The following FGD5 variants were observed in gnomAD, a reference collection of about 807,000 sequenced individuals.
The protein encoded by FGD5 is FYVE, RhoGEF and PH domain containing 5.
Under a neutral mutation model 133.4 loss-of-function variants are expected in FGD5, and 28 were observed. That is an observed-to-expected ratio of 0.21 (90% CI 0.16 to 0.29). The LOEUF (loss-of-function observed/expected upper bound fraction) is 0.29. Among genes scored for constraint, FGD5 ranks in the 10% least tolerant of loss-of-function variants. The pLI is 1.00. For synonymous variants in FGD5, 810 were observed against 776.5 expected (o/e 1.04, Z -0.72); for missense variants, 1,858 against 1,895.2 (o/e 0.98, Z 0.36).
chr3:14,833,715 C>T (rs1041944364), intron 1 of FGD5, among the ~76,000 whole-genome samples: 4 of 152,214 alleles, frequency 2.6e-5, no homozygotes, highest in African/African-American at 9.6e-5. Context: ...GAGGAAGATC[C>T]AGTACCAGCT....
intron 1 of FGD5, among the ~76,000 whole-genome samples, chr3:14,826,233 T>TTC (rs1294924621): frequency 2.0e-5 from 3 of 151,926 alleles, no homozygotes; most frequent in Non-Finnish European, 4.4e-5. Flanking sequence ...TGCACTGGCT[T>TTC]TCTCTCTCTC....
intron 1 of FGD5, among the ~76,000 whole-genome samples, chr3:14,855,211 T>C (rs982051466): frequency 1.3e-5 from 2 of 152,250 alleles, no homozygotes; most frequent in African/African-American, 2.4e-5. Context: ...TTTTTATGGC[T>C]GAATAGTGTT....
At chr3:14,838,280 A>G (rs533734493) in intron 1 of FGD5, among the ~76,000 whole-genome samples, 1 of 152,310 alleles carries the variant, frequency 6.6e-6, no homozygotes, top group South Asian at 2.1e-4. Context: ...ATCTGACTCC[A>G]GGCAAGTTCT....
intron 4 of FGD5, among the ~76,000 whole-genome samples, chr3:14,892,812 T>G: frequency 9.4e-6 from 1 of 106,634 alleles, no homozygotes; most frequent in Non-Finnish European, 2.0e-5. Flanking sequence ...AGAGCAAAAA[T>G]CCATCTCAAA....
upstream of FGD5, among the ~76,000 whole-genome samples, chr3:14,816,716 T>C (rs749940605): frequency 3.9e-5 from 6 of 152,220 alleles, no homozygotes; most frequent in Non-Finnish European, 7.3e-5. Context: ...TTTTCTAAAC[T>C]AGGACACACG....
chr3:14,848,624 A>G (rs2037100424), intron 1 of FGD5, among the ~76,000 whole-genome samples: 1 of 152,184 alleles, frequency 6.6e-6, no homozygotes, highest in African/African-American at 2.4e-5. Flanking sequence ...AATGGGCTCT[A>G]TGTTGATTAT....
At chr3:14,876,057 G>A (rs780705220) in intron 2 of FGD5, among the ~76,000 whole-genome samples, 19 of 152,284 alleles carry the variant, frequency 1.2e-4, no homozygotes, top group Middle Eastern at 3.4e-3. Context: ...AGGCCTGTAC[G>A]CAGAGAGGGG....
intron 1 of FGD5, among the ~76,000 whole-genome samples, chr3:14,839,326 G>A (rs1209225530): frequency 6.6e-6 from 1 of 152,158 alleles, no homozygotes; most frequent in Non-Finnish European, 1.5e-5. Flanking sequence ...AGGGTGTTTC[G>A]TAGACCACAG....
At chr3:14,907,949 G>T (rs886230168) in intron 10 of FGD5, among the ~76,000 whole-genome samples, 1 of 152,146 alleles carries the variant, frequency 6.6e-6, no homozygotes, top group Non-Finnish European at 1.5e-5. Context: ...TCAGCGCCAG[G>T]TTTTTTCTGT....
At chr3:14,930,291 C>A (rs149357992) in intron 18 of FGD5, among the ~76,000 whole-genome samples, 1 of 152,258 alleles carries the variant, frequency 6.6e-6, no homozygotes, top group East Asian at 1.9e-4. Flanking sequence ...AGTCCTCCAA[C>A]CTAGTTCTTT....
Position 14,827,279 on chromosome 3 carries a change from TTC to T in FGD5, c.2525+5685_2525+5686del, listed in dbSNP as rs1491033127. Among the ~76,000 whole-genome samples the T allele has an allele frequency of 2.0e-4, 25 of 122,108 alleles. 1 individual carries two copies. The highest frequency in any genetic ancestry group is 1.0e-3 in the African/African-American group (24 of 23,874). 80.1% of individuals were successfully genotyped at this position (122,108 alleles called of 152,430 possible). ...GTCGCAAATTGCCACATTTCTGGTA[TTC>T]TTTTTTTTTTTTTTTTTTTTTTTTT... On this transcript the variant is annotated intron_variant, in intron 1 of 19. Coordinates refer to ENST00000285046, the MANE Select transcript of FGD5 (RefSeq NM_152536.4).
intron 1 of FGD5, among the ~76,000 whole-genome samples, chr3:14,831,480 T>A (rs2036705837): frequency 6.6e-6 from 1 of 152,126 alleles, no homozygotes; most frequent in African/African-American, 2.4e-5. Flanking sequence ...CGGCTGGGTC[T>A]CAGGCTGCTC....
upstream of FGD5, among the ~76,000 whole-genome samples, chr3:14,817,015 C>G (rs1322305023): frequency 6.6e-6 from 1 of 152,044 alleles, no homozygotes; most frequent in East Asian, 1.9e-4. Flanking sequence ...GGCTCGTGAG[C>G]AGGTAAAATG....
chr3:14,927,991 G>A lies in FGD5; in HGVS notation c.4197+1793G>A, dbSNP rs1370467259. On this transcript the variant is annotated intron_variant, in intron 18 of 19. Transcript: ENST00000285046. Reference sequence around the variant, plus strand: ...GGAGACTCACTCTGTCACCAGGCTGGAGTGCAGTGGTGCAATCTTGGCTCA... The same window carrying A: ...GGAGACTCACTCTGTCACCAGGCTGAAGTGCAGTGGTGCAATCTTGGCTCA... Among the ~76,000 whole-genome samples the A allele has an allele frequency of 1.1e-4, 17 of 150,846 alleles. No homozygotes were observed. In the East Asian group the frequency reaches 2.7e-3, roughly 24 times the overall value.
At chr3:14,851,999 A>G (rs955907335) in intron 1 of FGD5, among the ~76,000 whole-genome samples, 7 of 152,112 alleles carry the variant, frequency 4.6e-5, no homozygotes, top group African/African-American at 1.7e-4. Flanking sequence ...CACTCCTGGT[A>G]GGAATGTGGA....
Position 14,885,554 on chromosome 3 carries a change from A to G in FGD5, c.2748+4782A>G, listed in dbSNP as rs1484071835. Among the ~76,000 whole-genome samples, 5 of 152,296 alleles carry G rather than the reference A, an allele frequency of 3.3e-5. No individual in the cohort carries two copies. In the East Asian group the frequency reaches 7.7e-4, roughly 24 times the overall value. On this transcript the variant is annotated intron_variant, in intron 4 of 19. Coordinates refer to ENST00000285046, the MANE Select transcript of FGD5 (RefSeq NM_152536.4). ...TTCGGCTCCCTACATCTTCACTCAC[A>G]CATCAGGTGGTTGAGGCTGGCTGTT...
At chr3:14,837,558 T>G (rs533978893) in intron 1 of FGD5, among the ~76,000 whole-genome samples, 1 of 152,300 alleles carries the variant, frequency 6.6e-6, no homozygotes. Flanking sequence ...TCCTCACTCT[T>G]TGGCCTGAGG....
intron 1 of FGD5, among the ~76,000 whole-genome samples, chr3:14,860,174 A>G (rs899400013): frequency 6.6e-6 from 1 of 152,202 alleles, no homozygotes; most frequent in Non-Finnish European, 1.5e-5. Context: ...AGGCCCCACA[A>G]GTCCACATTT....
chr3:14,875,337 G>A (rs541512271), intron 2 of FGD5, among the ~76,000 whole-genome samples: 1 of 152,292 alleles, frequency 6.6e-6, no homozygotes, highest in South Asian at 2.1e-4. Flanking sequence ...GGGCTGCGTG[G>A]CTGAAGAGGC....
Sources: allele counts gnomAD v4.1 joint callset (sites outside exome capture counted in the v4.1 genomes callset), GRCh38; gene constraint gnomAD v4.1.1; transcripts MANE v1.5; gene names NCBI Gene and HGNC (gene_info 2026-07-23, HGNC 2026-07-21).